COQ2: variants seen among roughly 807,000 people sequenced by gnomAD.
COQ2 encodes the protein coenzyme Q2, polyprenyltransferase, also known as 4-hydroxybenzoate polyprenyltransferase, mitochondrial.
Under a neutral mutation model 35.7 loss-of-function variants are expected in COQ2, and 25 were observed. The observed-to-expected ratio is 0.70, with a 90% CI of 0.51 to 0.98. The LOEUF (loss-of-function observed/expected upper bound fraction) is 0.98. Among genes scored for constraint, COQ2 ranks in the 50% least tolerant of loss-of-function variants. The pLI is 0.00. For missense variants in COQ2, 488 were observed against 473.5 expected (o/e 1.03, Z -0.28); for synonymous variants, 206 against 186.2 (o/e 1.11, Z -0.86).
chr4:83,283,796 G>A (rs1240894054), intron 1 of COQ2: 5 of 985,344 alleles, frequency 5.1e-6, no homozygotes, highest in Non-Finnish European at 6.0e-6. Context: ...AGTGGTGAGT[G>A]CTATTAAGAA....
At chr4:83,279,752 T>C (rs997500132) in intron 1 of COQ2, among the ~76,000 whole-genome samples, 5 of 152,026 alleles carry the variant, frequency 3.3e-5, no homozygotes, top group Admixed American at 6.5e-5. Context: ...TTTCACTCTA[T>C]ACCCTGGCAC....
intron 2 of COQ2, among the ~76,000 whole-genome samples, chr4:83,278,514 T>C (rs1735235916): frequency 6.6e-6 from 1 of 152,216 alleles, no homozygotes; most frequent in African/African-American, 2.4e-5. Context: ...GTTATGTTTT[T>C]AAAAGAAACA....
At chr4:83,268,703 G>T (rs1269888523) in intron 5 of COQ2, among the ~76,000 whole-genome samples, 1 of 152,152 alleles carries the variant, frequency 6.6e-6, no homozygotes, top group Non-Finnish European at 1.5e-5. Flanking sequence ...AAAAGTACAG[G>T]CATCTCTTCT....
At position 83,279,253 on chromosome 4, in the gene COQ2, G is replaced by A. The variant is rs973589279; in HGVS notation, c.254-139C>T. 3 of 1,148,856 alleles carry A rather than the reference G, an allele frequency of 2.6e-6. No individual in the cohort carries two copies. In the African/African-American group the frequency reaches 4.8e-5, roughly 18 times the overall value. 71.2% of individuals were successfully genotyped at this position (1,148,856 alleles called of 1,614,324 possible). A position where few individuals can be genotyped will look rare whatever the true frequency, so the allele number is the denominator to read the frequency against. On this transcript the variant is annotated intron_variant, in intron 1 of 6. Coordinates refer to ENST00000647002, the MANE Select transcript of COQ2 (RefSeq NM_001358921.2). ...ATGACAAAACTGAGAAAATAAATTT[G>A]CAACTCAAATCACAAAGGACCCCTT...
At chr4:83,268,585 G>C (rs1734976911) in intron 5 of COQ2, among the ~76,000 whole-genome samples, 2 of 152,122 alleles carry the variant, frequency 1.3e-5, no homozygotes, top group Non-Finnish European at 2.9e-5. Context: ...TGTGTCTATA[G>C]TTATTATGTG....
At chr4:83,283,960 T>C (rs1344364089) in intron 1 of COQ2, 4 of 985,338 alleles carry the variant, frequency 4.1e-6, no homozygotes, top group Admixed American at 1.2e-4. Flanking sequence ...CTTTGCCTTA[T>C]GGGTGATGCA....
chr4:83,283,414 T>A lies in COQ2; in HGVS notation c.253+1098A>T, dbSNP rs111877205. ...TTCCACACCCACTTGGTGTTCCAGG[T>A]CAGGCTCGTATTCTTAGTGTTCTAA... is the stretch of plus-strand genomic sequence containing the variant. On this transcript the variant is annotated intron_variant, in intron 1 of 6. Coordinates refer to ENST00000647002, the MANE Select transcript of COQ2 (RefSeq NM_001358921.2). The A allele has an allele frequency of 6.3e-3, 6,204 of 985,420 alleles. 291 individuals carry two copies. In the African/African-American group the frequency reaches 0.097, roughly 15 times the overall value. 61.0% of individuals were successfully genotyped at this position (985,420 alleles called of 1,614,324 possible).
chr4:83,276,043 AAT>A (rs1735165870), intron 2 of COQ2, among the ~76,000 whole-genome samples: 1 of 16,534 alleles, frequency 6.0e-5, no homozygotes, highest in Admixed American at 1.1e-3. Context: ...TAATATATAA[AAT>A]ATATATTATA....
upstream of COQ2, chr4:83,284,879 A>G (rs1241512856): frequency 3.3e-6 from 5 of 1,525,872 alleles, no homozygotes; most frequent in Non-Finnish European, 4.4e-6. Flanking sequence ...TGTGGGCAGA[A>G]CCTTTCCTCA....
chr4:83,277,064 G>T lies in COQ2; in HGVS notation c.420+1884C>A, dbSNP rs569040576. On this transcript the variant is annotated intron_variant, in intron 2 of 6. Coordinates refer to ENST00000647002, the MANE Select transcript of COQ2 (RefSeq NM_001358921.2). ...GGTGGGAGGGTGGGAGGGGAGTGCA[G>T]GATGAAATACTGCCCATTAGGTCAT... is the stretch of plus-strand genomic sequence containing the variant. 1.6e-4 allele frequency among the ~76,000 whole-genome samples: 24 copies of T among 152,174 alleles called. 1 individual carries two copies. Among genetic ancestry groups the T allele is most frequent in the East Asian group, 1.5e-3 (8 of 5,176 alleles).
intron 3 of COQ2, among the ~76,000 whole-genome samples, chr4:83,272,906 G>C (rs950891273): frequency 6.6e-6 from 1 of 152,148 alleles, no homozygotes; most frequent in Non-Finnish European, 1.5e-5. Context: ...GATGCTATCA[G>C]GGCAAGGCAC....
chr4:83,276,109 TAG>T (rs1735176784), intron 2 of COQ2, among the ~76,000 whole-genome samples: 1 of 146,298 alleles, frequency 6.8e-6, no homozygotes, highest in Admixed American at 6.8e-5. Flanking sequence ...TATATACATA[TAG>T]AGTGTACAGA....
chr4:83,282,531 A>C (rs1735349384), intron 1 of COQ2: 2 of 742,004 alleles, frequency 2.7e-6, no homozygotes, highest in Non-Finnish European at 3.3e-6. Flanking sequence ...TGTAATGATC[A>C]CCTTATTTAG....
chr4:83,279,378 C>T (rs946559127), intron 1 of COQ2, among the ~76,000 whole-genome samples: 4 of 152,074 alleles, frequency 2.6e-5, no homozygotes, highest in African/African-American at 9.7e-5. Flanking sequence ...GGCTCTTATA[C>T]ATATGAAAAG....
At chr4:83,273,906 G>C (rs865962552) in intron 2 of COQ2, among the ~76,000 whole-genome samples, 7 of 151,006 alleles carry the variant, frequency 4.6e-5, no homozygotes, top group Non-Finnish European at 5.9e-5. Flanking sequence ...CACTTTGGGA[G>C]GCTGAGGTGG....
At chr4:83,269,002 G>T (rs1734985271) in intron 5 of COQ2, among the ~76,000 whole-genome samples, 1 of 152,078 alleles carries the variant, frequency 6.6e-6, no homozygotes, top group African/African-American at 2.4e-5. Flanking sequence ...TCTCATTAAA[G>T]CTGGGGGAGA....
chr4:83,273,363 TAC>T, intron 3 of COQ2, 131 bp downstream of exon 3: 1 of 861,974 alleles, frequency 1.2e-6, no homozygotes, highest in Non-Finnish European at 1.7e-6. Context: ...GTGAGTTACT[TAC>T]ACTTGCTAAC....
chr4:83,264,693 T>C (rs1298407099), intron 6 of COQ2, among the ~76,000 whole-genome samples: 1 of 152,160 alleles, frequency 6.6e-6, no homozygotes, highest in East Asian at 1.9e-4. Context: ...CTTGGAATCA[T>C]CCAAGCTGTT....
chr4:83,277,464 C>T (rs761981307), intron 2 of COQ2, among the ~76,000 whole-genome samples: 55 of 152,258 alleles, frequency 3.6e-4, no homozygotes, highest in Non-Finnish European at 5.4e-4. Flanking sequence ...AAGGTCACCC[C>T]GGCCTGGAAA....
Sources: allele counts gnomAD v4.1 joint callset (sites outside exome capture counted in the v4.1 genomes callset), GRCh38; gene constraint gnomAD v4.1.1; transcripts MANE v1.5; gene names NCBI Gene and HGNC (gene_info 2026-07-23, HGNC 2026-07-21).